Variants in ANKS1B observed in about 807,000 individuals in gnomAD.
The protein encoded by ANKS1B is ankyrin repeat and sterile alpha motif domain containing 1B.
Under a neutral mutation model 148.3 loss-of-function variants are expected in ANKS1B, and 36 were observed. That is an observed-to-expected ratio of 0.24 (90% CI 0.19 to 0.32). The LOEUF is 0.32. Among genes scored for constraint, ANKS1B ranks in the 10% least tolerant of loss-of-function variants. The probability of loss-of-function intolerance (pLI) is 1.00; values close to 1 mark genes in which losing one functional copy is unlikely to be tolerated. For missense variants in ANKS1B, 1,157 were observed against 1,542.6 expected (o/e 0.75, Z 4.19); for synonymous variants, 542 against 560.8 (o/e 0.97, Z 0.47).
intron 22 of ANKS1B, among the ~76,000 whole-genome samples, chr12:98,787,359 G>A (rs994532761): frequency 3.9e-5 from 6 of 152,108 alleles, no homozygotes; most frequent in South Asian, 2.1e-4. Context: ...CACTTTTCCC[G>A]TGCACTGCCC....
At chr12:99,514,628 G>T (rs1425220674) in intron 9 of ANKS1B, among the ~76,000 whole-genome samples, 1 of 151,994 alleles carries the variant, frequency 6.6e-6, no homozygotes, top group Admixed American at 6.6e-5. Context: ...AAATGTTAGG[G>T]ATCCAACCTT....
At chr12:98,793,008 A>G (rs1227588378) in intron 22 of ANKS1B, among the ~76,000 whole-genome samples, 2 of 152,136 alleles carry the variant, frequency 1.3e-5, no homozygotes, top group Non-Finnish European at 2.9e-5. Flanking sequence ...ATAATATAGT[A>G]ATTCTCTTTC....
intron 15 of ANKS1B, among the ~76,000 whole-genome samples, chr12:99,150,643 T>C (rs1418480037): frequency 6.6e-6 from 1 of 151,966 alleles, no homozygotes; most frequent in Non-Finnish European, 1.5e-5. Context: ...AAAATAAATA[T>C]GATGGTAGAG....
chr12:99,403,094 T>A (rs1018970090), intron 11 of ANKS1B, among the ~76,000 whole-genome samples: 3 of 144,360 alleles, frequency 2.1e-5, no homozygotes, highest in African/African-American at 7.9e-5. Flanking sequence ...TTTTTTCATA[T>A]AATTGTTAGC....
chr12:99,763,126 G>A (rs117484942), intron 8 of ANKS1B, among the ~76,000 whole-genome samples: 1,775 of 152,196 alleles, frequency 0.012, 16 homozygotes, highest in Non-Finnish European at 0.018. Flanking sequence ...ATTTGACCCA[G>A]CAATCCCATT....
At chr12:99,589,139 A>G (rs1949269065) in intron 9 of ANKS1B, among the ~76,000 whole-genome samples, 3 of 152,178 alleles carry the variant, frequency 2.0e-5, no homozygotes, top group Admixed American at 2.0e-4. Context: ...TCTCTCTCAA[A>G]TCTCCCACAG....
intron 14 of ANKS1B, among the ~76,000 whole-genome samples, chr12:99,217,594 A>C (rs542509859): frequency 2.6e-5 from 4 of 152,106 alleles, no homozygotes; most frequent in Non-Finnish European, 4.4e-5. Context: ...ACATTCCACC[A>C]GCAAAGTCCA....
chr12:99,488,986 C>T lies in ANKS1B; in HGVS notation c.1438+15490G>A, dbSNP rs1197009608. 4.0e-5 allele frequency among the ~76,000 whole-genome samples: 6 copies of T among 151,858 alleles called. No homozygotes were observed. The East Asian group carries it at 5.8e-4, about 15-fold the overall frequency. On this transcript the variant is annotated intron_variant, in intron 10 of 26. Transcript: ENST00000683438. Reference sequence around the variant, plus strand: ...AATTAAAAAATGAATACAGTACAAACGCAATCCCAGAACTTTGGGAGGCGA... The same window carrying T: ...AATTAAAAAATGAATACAGTACAAATGCAATCCCAGAACTTTGGGAGGCGA...
chr12:99,443,609 T>C (rs1000525520), intron 11 of ANKS1B, 64 bp downstream of exon 11: 13 of 1,540,766 alleles, frequency 8.4e-6, no homozygotes, highest in Admixed American at 1.8e-5. Flanking sequence ...ATATAAGTGA[T>C]GTACATGCAT....
chr12:99,972,858 G>A (rs1299760816), intron 1 of ANKS1B, among the ~76,000 whole-genome samples: 1 of 152,102 alleles, frequency 6.6e-6, no homozygotes, highest in African/African-American at 2.4e-5. Flanking sequence ...TCTTGTTAGG[G>A]GTTAATGTAG....
chr12:99,513,393 T>C (rs2153036677), intron 9 of ANKS1B, among the ~76,000 whole-genome samples: 1 of 152,198 alleles, frequency 6.6e-6, no homozygotes, highest in African/African-American at 2.4e-5. Flanking sequence ...TTGTGAAGTA[T>C]GTCTGTACCA....
chr12:99,540,707 A>G lies in ANKS1B; in HGVS notation c.1273-36066T>C, dbSNP rs2097116506. On this transcript the variant is annotated intron_variant, in intron 9 of 26. Transcript: ENST00000683438. ...GCTGTAAGCCTATTTTTAAAAAGACATAAGTCAATTATAACCTTTAGTATT... is the reference window on the plus strand; with the variant it reads ...GCTGTAAGCCTATTTTTAAAAAGACGTAAGTCAATTATAACCTTTAGTATT... 2.6e-5 allele frequency among the ~76,000 whole-genome samples: 4 copies of G among 152,126 alleles called. No individual in the cohort carries two copies. The South Asian group carries it at 8.3e-4, about 31-fold the overall frequency.
At chr12:99,366,183 T>G (rs1010516062) in intron 12 of ANKS1B, among the ~76,000 whole-genome samples, 4 of 152,234 alleles carry the variant, frequency 2.6e-5, no homozygotes, top group African/African-American at 9.6e-5. Context: ...TGGAAGGTGT[T>G]AGGAAGGGAG....
chr12:98,884,762 G>A (rs1032355831), intron 17 of ANKS1B, among the ~76,000 whole-genome samples: 12 of 143,940 alleles, frequency 8.3e-5, no homozygotes, highest in Non-Finnish European at 1.6e-4. Flanking sequence ...TTGCGCCACT[G>A]CAGTCCGCAG....
At chr12:99,275,346 T>A (rs911062801) in intron 12 of ANKS1B, among the ~76,000 whole-genome samples, 2 of 152,220 alleles carry the variant, frequency 1.3e-5, no homozygotes, top group Non-Finnish European at 2.9e-5. Context: ...GTCCCCACTA[T>A]CCTTCCCAGC....
At chr12:99,891,425 G>T (rs899602559) in intron 1 of ANKS1B, among the ~76,000 whole-genome samples, 3 of 151,956 alleles carry the variant, frequency 2.0e-5, no homozygotes, top group African/African-American at 7.2e-5. Context: ...TTGCTATGTT[G>T]CCCAGGCTGG....
intron 9 of ANKS1B, among the ~76,000 whole-genome samples, chr12:99,554,319 A>C (rs2153177644): frequency 6.6e-6 from 1 of 152,312 alleles, no homozygotes; most frequent in African/African-American, 2.4e-5. Context: ...AAGGATAGAT[A>C]GCCATGGAAT....
chr12:99,775,302 A>G (rs2063553295), intron 7 of ANKS1B, among the ~76,000 whole-genome samples: 2 of 151,794 alleles, frequency 1.3e-5, no homozygotes, highest in African/African-American at 2.4e-5. Flanking sequence ...AAAGCTGGGG[A>G]AAAACACATT....
intron 1 of ANKS1B, among the ~76,000 whole-genome samples, chr12:99,909,764 T>A (rs1438863387): frequency 6.6e-6 from 1 of 152,188 alleles, no homozygotes; most frequent in African/African-American, 2.4e-5. Flanking sequence ...TGTAAAATAT[T>A]ACCTTTGCCT....
Sources: allele counts gnomAD v4.1 joint callset (sites outside exome capture counted in the v4.1 genomes callset), GRCh38; gene constraint gnomAD v4.1.1; transcripts MANE v1.5; gene names NCBI Gene and HGNC (gene_info 2026-07-23, HGNC 2026-07-21).